The following STAG1 variants were observed in gnomAD, a reference collection of about 807,000 sequenced individuals.
STAG1 encodes the protein cohesin subunit SA-1.
STAG1 carries 26 observed loss-of-function variants against 170.9 expected under a neutral mutation model. The observed-to-expected ratio is 0.15, with a 90% CI of 0.11 to 0.21. The LOEUF is 0.21. STAG1 is among the 10% of genes least tolerant of loss of function. STAG1 has a pLI of 1.00. For synonymous variants in STAG1, 514 were observed against 497.7 expected (o/e 1.03, Z -0.44); for missense variants, 964 against 1,509.5 (o/e 0.64, Z 5.99).
At chr3:136,681,543 T>A (rs1034305922) in intron 1 of STAG1, among the ~76,000 whole-genome samples, 1 of 152,116 alleles carries the variant, frequency 6.6e-6, no homozygotes, top group South Asian at 2.1e-4. Context: ...CTATATAAAG[T>A]ATCTATAAAA....
At chr3:136,725,677 T>C (rs1481856875) in intron 1 of STAG1, among the ~76,000 whole-genome samples, 1 of 152,102 alleles carries the variant, frequency 6.6e-6, no homozygotes, top group Non-Finnish European at 1.5e-5. Context: ...CAAATAAAGG[T>C]AGAAGAAACT....
chr3:136,638,417 G>A (rs1279269251), intron 1 of STAG1, among the ~76,000 whole-genome samples: 3 of 152,150 alleles, frequency 2.0e-5, no homozygotes, highest in Non-Finnish European at 2.9e-5. Context: ...TTACAGGCAT[G>A]AGCCACCAAG....
At position 136,679,804 on chromosome 3, in the gene STAG1, A is replaced by G. The variant is rs545173068; in HGVS notation, c.-83-48823T>C. ...GTAATTCCAGCTACTCAGGTGGCTG[A>G]GGCATGAGAATTGCTAGATCCTGGG... On this transcript the variant is annotated intron_variant, in intron 1 of 33. Coordinates refer to ENST00000383202, the MANE Select transcript of STAG1 (RefSeq NM_005862.3). 6.6e-5 allele frequency among the ~76,000 whole-genome samples: 10 copies of G among 150,846 alleles called. No individual in the cohort carries two copies. In the South Asian group the frequency reaches 2.1e-3, roughly 32 times the overall value.
At chr3:136,519,595 C>A (rs889834248) in intron 7 of STAG1, among the ~76,000 whole-genome samples, 1 of 151,160 alleles carries the variant, frequency 6.6e-6, no homozygotes. Flanking sequence ...ATGGGCATTA[C>A]TGTACACAGA....
At chr3:136,518,420 A>T in intron 7 of STAG1, 1 of 700,406 alleles carries the variant, frequency 1.4e-6, no homozygotes, top group Non-Finnish European at 2.6e-6. Flanking sequence ...CTTGTCCTGC[A>T]AAGTGAATAA....
chr3:136,363,229 T>G, intron 26 of STAG1, 137 bp downstream of exon 26: 1 of 449,724 alleles, frequency 2.2e-6, no homozygotes, highest in South Asian at 5.8e-5. Flanking sequence ...TACCAGAAAA[T>G]ATCCACAGTA....
intron 3 of STAG1, among the ~76,000 whole-genome samples, chr3:136,608,480 G>A (rs920017537): frequency 3.3e-5 from 5 of 150,380 alleles, no homozygotes; most frequent in African/African-American, 1.2e-4. Flanking sequence ...GCAGTGAGCC[G>A]TGATTATAGC....
intron 6 of STAG1, among the ~76,000 whole-genome samples, chr3:136,532,771 A>C (rs1021246740): frequency 2.6e-5 from 4 of 152,190 alleles, no homozygotes; most frequent in African/African-American, 7.2e-5. Flanking sequence ...TATACCTCAA[A>C]ATAACAAAGT....
rs1553740670 is a variant in STAG1, at chr3:136,528,502, C to CCCA, written c.472-7086_472-7085insTGG. Among the ~76,000 whole-genome samples the CCCA allele has an allele frequency of 3.0e-3, 434 of 144,408 alleles. 9 individuals are homozygous for CCCA. Among genetic ancestry groups the CCCA allele is most frequent in the African/African-American group, 0.011 (403 of 36,826 alleles). 94.7% of individuals were successfully genotyped at this position (144,408 alleles called of 152,430 possible). ...GCAACAGATGTCCCCGCACCCCCCCCCCCAAAAAATCACTAAGTCCTGGAA... is the reference window on the plus strand; with the variant it reads ...GCAACAGATGTCCCCGCACCCCCCCCCCACCCAAAAAATCACTAAGTCCTGGAA... On this transcript the variant is annotated intron_variant, in intron 6 of 33. Coordinates refer to ENST00000383202, the MANE Select transcript of STAG1 (RefSeq NM_005862.3).
chr3:136,569,576 T>C (rs1937197770), intron 4 of STAG1, among the ~76,000 whole-genome samples: 1 of 152,070 alleles, frequency 6.6e-6, no homozygotes. Context: ...TTGAAGTCTT[T>C]AGTTAATGCA....
intron 13 of STAG1, among the ~76,000 whole-genome samples, chr3:136,459,135 T>C (rs1436685309): frequency 6.6e-6 from 1 of 151,482 alleles, no homozygotes; most frequent in Non-Finnish European, 1.5e-5. Flanking sequence ...GGAGAACTGC[T>C]TGAACCCAGG....
In STAG1 at chr3:136,463,767, G is replaced by A. The variant is rs185133193; in HGVS notation, c.1313+1114C>T. The stretch of plus-strand genomic sequence containing the variant: ...TGTGTGTGTGTGTGTGTGTGTGTGT[G>A]TATACACACACACACACACACACAT... On this transcript the variant is annotated intron_variant, in intron 13 of 33. Coordinates refer to ENST00000383202, the MANE Select transcript of STAG1 (RefSeq NM_005862.3). 5.8e-3 allele frequency among the ~76,000 whole-genome samples: 342 copies of A among 58,728 alleles called. 1 individual carries two copies. Among genetic ancestry groups the A allele is most frequent in the African/African-American group, 9.0e-3 (218 of 24,336 alleles). 38.5% of individuals were successfully genotyped at this position (58,728 alleles called of 152,430 possible).
intron 7 of STAG1, among the ~76,000 whole-genome samples, chr3:136,505,378 C>T (rs1220189399): frequency 6.6e-6 from 1 of 152,008 alleles, no homozygotes; most frequent in South Asian, 2.1e-4. Context: ...TGGGTGCTGA[C>T]CACAACAAGT....
Position 136,530,496 on chromosome 3 carries a change from T to C in STAG1, c.472-9079A>G, listed in dbSNP as rs532885957. Among the ~76,000 whole-genome samples the C allele has an allele frequency of 5.3e-5, 8 of 152,278 alleles. No individual in the cohort carries two copies. The South Asian group carries it at 1.2e-3, about 24-fold the overall frequency. Reference sequence around the variant, plus strand: ...AATATACATTATTCTCATTAGCACATGGATAGACCATATGTTAAGCCACAA... The same window carrying C: ...AATATACATTATTCTCATTAGCACACGGATAGACCATATGTTAAGCCACAA... On this transcript the variant is annotated intron_variant, in intron 6 of 33. Coordinates refer to ENST00000383202, the MANE Select transcript of STAG1 (RefSeq NM_005862.3).
At chr3:136,682,045 A>T (rs1942354049) in intron 1 of STAG1, among the ~76,000 whole-genome samples, 1 of 152,200 alleles carries the variant, frequency 6.6e-6, no homozygotes, top group African/African-American at 2.4e-5. Context: ...AGGAAAATGA[A>T]ATAAAAAACA....
intron 9 of STAG1, 139 bp from the exon 10 acceptor site, chr3:136,477,551 TTC>T (rs1263017085): frequency 3.0e-6 from 2 of 667,926 alleles, no homozygotes; most frequent in South Asian, 3.4e-5. Context: ...CTTAAGTATC[TTC>T]TGTTTTTCAT....
intron 1 of STAG1, among the ~76,000 whole-genome samples, chr3:136,659,485 T>A (rs1029681583): frequency 6.6e-6 from 1 of 152,204 alleles, no homozygotes; most frequent in Non-Finnish European, 1.5e-5. Flanking sequence ...CAACAGCTGC[T>A]TTCTGAAATA....
chr3:136,534,557 A>G (rs1043519281), intron 6 of STAG1, among the ~76,000 whole-genome samples: 4 of 152,214 alleles, frequency 2.6e-5, no homozygotes, highest in Non-Finnish European at 5.9e-5. Flanking sequence ...ACAATGAAAA[A>G]AAAACATAAT....
At chr3:136,621,929 C>A (rs1216133219) in intron 3 of STAG1, among the ~76,000 whole-genome samples, 1 of 146,914 alleles carries the variant, frequency 6.8e-6, no homozygotes, top group African/African-American at 2.5e-5. Flanking sequence ...ATAAAACTGG[C>A]TATTTGGTGA....
Sources: gnomAD v4.1 joint callset for allele counts (sites outside exome capture counted in the v4.1 genomes callset) on GRCh38, gnomAD v4.1.1 for gene constraint, MANE v1.5 for transcripts, NCBI Gene and HGNC (gene_info 2026-07-23, HGNC 2026-07-21) for gene names.